The following PRKCG variants were observed in gnomAD, a reference collection of about 807,000 sequenced individuals.
PRKCG encodes protein kinase C gamma type.
PRKCG carries 28 observed loss-of-function variants against 82.0 expected under a neutral mutation model. That is an observed-to-expected ratio of 0.34 (90% CI 0.25 to 0.47). The LOEUF (loss-of-function observed/expected upper bound fraction) is 0.47. Among genes scored for constraint, PRKCG ranks in the 20% least tolerant of loss-of-function variants. PRKCG has a pLI of 1.00. For missense variants in PRKCG, 640 were observed against 952.7 expected (o/e 0.67, Z 4.32); for synonymous variants, 383 against 376.6 (o/e 1.02, Z -0.20).
chr19:53,906,084 CCTTCTTCTTCTT>C (rs1199099703), intron 16 of PRKCG, among the ~76,000 whole-genome samples: 1 of 27,992 alleles, frequency 3.6e-5, no homozygotes, highest in Non-Finnish European at 5.7e-5. Context: ...TCCTCCTCCT[CCTTCTTCTTCTT>C]CTTCTTCTTC....
chr19:53,890,123 G>T (rs1453773912), intron 5 of PRKCG, 106 bp downstream of exon 5: 2 of 1,251,492 alleles, frequency 1.6e-6, no homozygotes, highest in Non-Finnish European at 1.1e-6. Context: ...ATGGGGCCAC[G>T]CCTCTTTCTA....
At position 53,889,538 on chromosome 19, in the gene PRKCG, T is replaced by A. The variant is rs943358171; in HGVS notation, c.286-100T>A. 3.6e-6 allele frequency: 3 copies of A among 843,698 alleles called. No individual in the cohort carries two copies. The Admixed American group carries it at 6.0e-5, about 17-fold the overall frequency. 52.3% of individuals were successfully genotyped at this position (843,698 alleles called of 1,614,324 possible). A position where few individuals can be genotyped will look rare whatever the true frequency, so the allele number is the denominator to read the frequency against. On this transcript the variant is annotated intron_variant, in intron 3 of 17. Transcript: ENST00000263431. This position sits in a 1 kb window ranked among gnomAD's most constrained non-coding sequence, Gnocchi z 4.4. Reference sequence around the variant, plus strand: ...GAGTGAAAGAGATGGAGCCTCAGGCTGACCTAGAGAGCAAGGCAGGAGGAA... The same window carrying A: ...GAGTGAAAGAGATGGAGCCTCAGGCAGACCTAGAGAGCAAGGCAGGAGGAA...
At position 53,900,082 on chromosome 19, in the gene PRKCG, C is replaced by G; in HGVS notation, c.1282-151C>G. On this transcript the variant is annotated intron_variant, in intron 11 of 17. Coordinates refer to ENST00000263431, the MANE Select transcript of PRKCG (RefSeq NM_002739.5). This position sits in a 1 kb window ranked among gnomAD's most constrained non-coding sequence, Gnocchi z 4.2. ...GATTCTGAGGTAGCAGGATTAGCAC[C>G]TTAGGGCCCTCCCAGGGATGTGGCT... 2 of 759,922 alleles carry G rather than the reference C, an allele frequency of 2.6e-6. No homozygotes were observed. The highest frequency in any genetic ancestry group is 2.9e-5 in the South Asian group (2 of 68,818). 47.1% of individuals were successfully genotyped at this position (759,922 alleles called of 1,614,324 possible).
In PRKCG at chr19:53,906,377, C is replaced by T. The variant is rs1025622193; in HGVS notation, c.1825C>T (p.Arg609Cys). 8 of 1,558,424 alleles carry T rather than the reference C, an allele frequency of 5.1e-6. No individual in the cohort carries two copies. Among genetic ancestry groups the T allele is most frequent in the Non-Finnish European group, 3.5e-6 (4 of 1,150,522 alleles). Residue 609 changes from arginine to cysteine, a missense_variant, in exon 17 of 18, where the codon CGT becomes TGT. Transcript: ENST00000263431. The stretch of plus-strand genomic sequence containing the variant: ...AGGGCCTGATGGGGAACCTACCATC[C>T]GTGCACATGGCTTTTTCCGCTGGAT... ...GSGPDGEPTI[R>C]AHGFFRWIDW...
At chr19:53,895,528 A>T (rs1009830696) in intron 9 of PRKCG, among the ~76,000 whole-genome samples, 1 of 151,136 alleles carries the variant, frequency 6.6e-6, no homozygotes, top group Admixed American at 6.6e-5. Flanking sequence ...AATCTTCAAG[A>T]TTCAACAACA....
intron 8 of PRKCG, 107 bp downstream of exon 8, chr19:53,893,182 C>T: frequency 7.9e-7 from 1 of 1,271,256 alleles, no homozygotes; most frequent in Middle Eastern, 2.2e-4. Context: ...GACTACAGTT[C>T]CCAGAAGACC....
chr19:53,893,355 C>T lies in PRKCG; in HGVS notation c.910-7C>T. On this transcript the variant is annotated splice_polypyrimidine_tract_variant and splice_region_variant and intron_variant, in intron 8 of 17. Transcript: ENST00000263431. ...GGGACCCTGACTCTCTCTTTCTTTT[C>T]TCCCAGGCTTGTAACTACCCCCTGG... The T allele has an allele frequency of 6.2e-7, 1 of 1,613,308 alleles. No individual in the cohort carries two copies. Among genetic ancestry groups the T allele is most frequent in the African/African-American group, 1.3e-5 (1 of 75,030 alleles).
chr19:53,894,742 G>A (rs1251906524), intron 9 of PRKCG, among the ~76,000 whole-genome samples: 2 of 152,206 alleles, frequency 1.3e-5, no homozygotes, highest in Non-Finnish European at 2.9e-5. Context: ...TTAGAGGCGT[G>A]AGCGACCACG....
rs762580020 is a variant in PRKCG, at chr19:53,897,936, CTCTT to C, written c.940-15_940-12del. ...CTGTGTAAGGTCTAACTGCCTCTGG[CTCTT>C]TCTTTCTCCTTTCCACAGCGGGTGC... On this transcript the variant is annotated intron_variant, in intron 9 of 17. Transcript: ENST00000263431. 223 of 1,613,806 alleles carry C rather than the reference CTCTT, an allele frequency of 1.4e-4. No homozygotes were observed. The highest frequency in any genetic ancestry group is 1.8e-4 in the Non-Finnish European group (212 of 1,180,002).
rs890178139 is a variant in PRKCG, at chr19:53,884,653, G to A, written c.285+410G>A. 6.6e-6 allele frequency among the ~76,000 whole-genome samples: 1 copy of A among 152,142 alleles called. No homozygotes were observed. The highest frequency in any genetic ancestry group is 1.5e-5 in the Non-Finnish European group (1 of 68,020). On this transcript the variant is annotated intron_variant, in intron 3 of 17. Coordinates refer to ENST00000263431, the MANE Select transcript of PRKCG (RefSeq NM_002739.5). The surrounding 1 kb of genome is among the most constrained non-coding windows in gnomAD (Gnocchi z 4.6). ...CAGAAGAAGACAGAGACCTAGGAGAGACTGAAGCTGAGGCAGAGAGAGAGA... is the reference window on the plus strand; with the variant it reads ...CAGAAGAAGACAGAGACCTAGGAGAAACTGAAGCTGAGGCAGAGAGAGAGA...
chr19:53,902,242 C>T (rs138058048), intron 14 of PRKCG, among the ~76,000 whole-genome samples: 2,447 of 152,036 alleles, frequency 0.016, 63 homozygotes, highest in African/African-American at 0.054. Flanking sequence ...GGTGAAACCC[C>T]GTCTCTACTA....
Position 53,907,156 on chromosome 19 carries a change from C to A in PRKCG, c.*261C>A. The A allele has an allele frequency of 2.7e-6, 2 of 730,796 alleles. No individual in the cohort carries two copies. The highest frequency in any genetic ancestry group is 4.3e-6 in the Non-Finnish European group (2 of 463,264). 45.3% of individuals were successfully genotyped at this position (730,796 alleles called of 1,614,324 possible). On this transcript the variant is annotated 3_prime_UTR_variant, in exon 18 of 18. Transcript: ENST00000263431. ...GACCTTAGCGTTCTGGACTCTGCCCCAATCGGGTCCAGAGACCACACCACT... is the reference window on the plus strand; with the variant it reads ...GACCTTAGCGTTCTGGACTCTGCCCAAATCGGGTCCAGAGACCACACCACT...
At chr19:53,890,743 G>A (rs1366865954) in intron 5 of PRKCG, among the ~76,000 whole-genome samples, 1 of 138,056 alleles carries the variant, frequency 7.2e-6, no homozygotes, top group African/African-American at 3.1e-5. Flanking sequence ...CACCACATCC[G>A]GCTAATTTTT....
chr19:53,901,444 T>A (rs892717805), intron 14 of PRKCG, among the ~76,000 whole-genome samples: 4 of 149,386 alleles, frequency 2.7e-5, no homozygotes, highest in Admixed American at 6.8e-5. Context: ...TTCGGGAGGC[T>A]GAGGCAGGAG....
Position 53,900,186 on chromosome 19 carries a change from C to G in PRKCG, c.1282-47C>G. The stretch of plus-strand genomic sequence containing the variant: ...AGTGATCAGGAAAGAAATTCTCCTA[C>G]TCTGGGTAGATGGATCCCGCCTCTA... On this transcript the variant is annotated intron_variant, in intron 11 of 17. Coordinates refer to ENST00000263431, the MANE Select transcript of PRKCG (RefSeq NM_002739.5). The surrounding 1 kb of genome is among the most constrained non-coding windows in gnomAD (Gnocchi z 4.2). 6.5e-7 allele frequency: 1 copy of G among 1,547,840 alleles called. No homozygotes were observed.
chr19:53,898,788 GGGGTCCTT>G (rs2068738045), intron 11 of PRKCG, among the ~76,000 whole-genome samples, 160 bp downstream of exon 11: 2 of 132,744 alleles, frequency 1.5e-5, no homozygotes, highest in Non-Finnish European at 1.6e-5. Context: ...TGGCCGGGGG[GGGGTCCTT>G]GGGGGGCGTG....
rs537814273 is a variant in PRKCG, at chr19:53,892,774, A to G, written c.821+131A>G. The G allele has an allele frequency of 0.011, 11,344 of 1,033,866 alleles. 66 individuals carry two copies. The highest frequency in any genetic ancestry group is 0.014 in the Non-Finnish European group (9,718 of 713,774). 64.0% of individuals were successfully genotyped at this position (1,033,866 alleles called of 1,614,324 possible). ...TGCGCACACACACACACACACACAC[A>G]CACACACGCACACACACGCACACAC... On this transcript the variant is annotated intron_variant, in intron 7 of 17. Transcript: ENST00000263431. The surrounding 1 kb of genome is among the most constrained non-coding windows in gnomAD (Gnocchi z 5.9).
chr19:53,902,890 CAAAAAAAAAA>C (rs56955659), intron 14 of PRKCG, among the ~76,000 whole-genome samples, 173 bp from the exon 15 acceptor site: 1 of 19,976 alleles, frequency 5.0e-5, no homozygotes, highest in South Asian at 2.0e-3. Flanking sequence ...GAGACCCTGT[CAAAAAAAAAA>C]AAAAAAAAAA....
intron 9 of PRKCG, among the ~76,000 whole-genome samples, chr19:53,896,790 C>T (rs1406294146): frequency 6.6e-6 from 1 of 152,200 alleles, no homozygotes; most frequent in Non-Finnish European, 1.5e-5. Flanking sequence ...AAGCAGACCC[C>T]TGCCTTAGGG....
Sources: allele counts gnomAD v4.1 joint callset (sites outside exome capture counted in the v4.1 genomes callset), GRCh38; gene constraint gnomAD v4.1.1; non-coding constraint Gnocchi (gnomAD v3.1); transcripts MANE v1.5; gene names NCBI Gene and HGNC (gene_info 2026-07-23, HGNC 2026-07-21).